The following PATL1 variants were observed in gnomAD, a reference collection of about 807,000 sequenced individuals.
PATL1 encodes protein PAT1 homolog 1.
Under a neutral mutation model 100.6 loss-of-function variants are expected in PATL1, and 32 were observed. The ratio of observed to expected loss-of-function variants is 0.32; its 90% CI spans 0.24 to 0.43. The LOEUF (loss-of-function observed/expected upper bound fraction) is 0.43, where lower values mean the gene tolerates loss of function less well. PATL1 is among the 20% of genes least tolerant of loss of function. PATL1 has a pLI of 1.00. For synonymous variants in PATL1, 332 were observed against 330.0 expected, an observed-to-expected ratio of 1.01 and a Z score of -0.07; for missense variants, 747 against 949.9, an observed-to-expected ratio of 0.79 and a Z score of 2.81.
chr11:59,643,586 A>G (rs950484488), intron 15 of PATL1, among the ~76,000 whole-genome samples: 1 of 152,034 alleles, frequency 6.6e-6, no homozygotes, highest in South Asian at 2.1e-4. Flanking sequence ...CAGCTACTCA[A>G]TAGGCTGAGG....
At chr11:59,667,348 T>C (rs969686592) in intron 1 of PATL1, among the ~76,000 whole-genome samples, 16 of 152,212 alleles carry the variant, frequency 1.1e-4, no homozygotes. Context: ...TCTTTATGTA[T>C]CTTTTCCAGC....
chr11:59,650,781 C>A lies in PATL1; in HGVS notation c.1557G>T (p.Arg519Ser). Residue 519 changes from arginine to serine, a missense_variant, in exon 13 of 19, where the codon AGG becomes AGT. Physicochemically the swap from Arg to Ser is moderately radical, Grantham distance 110 (BLOSUM62 -1). Around this residue, in one of 4 missense-constraint regions of PATL1, gnomAD observed 434 missense variants for 596.1 expected, o/e 0.73. Transcript: ENST00000300146. ...ETKEKQVRDK[R>S]RKTLVIIEKT... ...TCTCAATTATAACAAGGGTTTTTCTCCTCTTGTCTCGAACTTGTTTTTCTT... is the reference window on the plus strand; with the variant it reads ...TCTCAATTATAACAAGGGTTTTTCTACTCTTGTCTCGAACTTGTTTTTCTT... 6.4e-7 allele frequency: 1 copy of A among 1,557,718 alleles called. No individual in the cohort carries two copies. Among genetic ancestry groups the A allele is most frequent in the South Asian group, 1.2e-5 (1 of 84,114 alleles).
At chr11:59,653,916 AT>A in intron 9 of PATL1, 66 bp downstream of exon 9, 1 of 1,362,530 alleles carries the variant, frequency 7.3e-7, no homozygotes, top group Non-Finnish European at 1.0e-6. Flanking sequence ...ACTAAATAGC[AT>A]GTTGTTACAC....
At chr11:59,661,060 T>C (rs1308120650) in intron 2 of PATL1, among the ~76,000 whole-genome samples, 2 of 152,182 alleles carry the variant, frequency 1.3e-5, no homozygotes, top group East Asian at 3.8e-4. Flanking sequence ...TCATGAAAGC[T>C]GTACTCACAG....
At chr11:59,642,655 T>C (rs1210125127) in intron 16 of PATL1, 4 of 421,112 alleles carry the variant, frequency 9.5e-6, no homozygotes, top group Non-Finnish European at 1.7e-5. Context: ...GGATCCCTGA[T>C]GACTCTGTCG....
At position 59,655,533 on chromosome 11, in the gene PATL1, G is replaced by A; in HGVS notation, c.1021C>T (p.Gln341Ter). The A allele has an allele frequency of 6.4e-7, 1 of 1,573,570 alleles. No homozygotes were observed. The highest frequency in any genetic ancestry group is 8.6e-7 in the Non-Finnish European group (1 of 1,158,678). Residue 341 changes from glutamine (Q) to a stop codon, truncating the protein, a stop_gained, in exon 8 of 19, where the codon CAA becomes TAA. Transcript: ENST00000300146. LOFTEE classifies it high-confidence loss of function. ...QHPPGPGPHL[Q>*]NLRSQAPMFR... ...GTTGATTTTGTATACCTTAGGTTTT[G>A]CAGGTGGGGTCCTGGGCCAGGAGGG...
intron 16 of PATL1, 83 bp downstream of exon 16, chr11:59,642,797 A>C: frequency 3.6e-5 from 50 of 1,398,658 alleles, no homozygotes; most frequent in Non-Finnish European, 4.6e-5. Flanking sequence ...CCAAGTTGCT[A>C]GAGATACAGC....
chr11:59,657,753 G>A, intron 4 of PATL1, 29 bp from the exon 5 acceptor site: 1 of 1,494,594 alleles, frequency 6.7e-7, no homozygotes, highest in South Asian at 1.3e-5. Context: ...AAATAAAATA[G>A]AAATTAACTA....
At position 59,642,664 on chromosome 11, in the gene PATL1, C is replaced by T. The variant is rs188468243; in HGVS notation, c.2049+216G>A. ...AAGCCTGGATCCCTGATGACTCTGT[C>T]GAGCTACTAAATCAAATTTATTTCA... On this transcript the variant is annotated intron_variant, in intron 16 of 18. Transcript: ENST00000300146. 2.9e-4 allele frequency: 129 copies of T among 452,474 alleles called. 1 individual carries two copies. Among genetic ancestry groups the T allele is most frequent in the Admixed American group, 4.6e-4 (11 of 23,844 alleles). 28.0% of individuals were successfully genotyped at this position (452,474 alleles called of 1,614,324 possible). A position where few individuals can be genotyped will look rare whatever the true frequency, so the allele number is the denominator to read the frequency against.
chr11:59,660,090 A>G (rs1187148440), intron 2 of PATL1, among the ~76,000 whole-genome samples: 2 of 152,206 alleles, frequency 1.3e-5, no homozygotes, highest in Non-Finnish European at 2.9e-5. Context: ...GTATAGTACT[A>G]CTAGTTGGTT....
chr11:59,666,908 TTCTC>T lies in PATL1; in HGVS notation c.68_71del (p.Gly23GlufsTer71), dbSNP rs1435720827. ...TGAATTGATCAATCTCTTCATCTTC[TTCTC>T]CCAGTCCCTGAAATGCATCTTCATC... On this transcript the variant is annotated frameshift_variant, in exon 2 of 19. Transcript: ENST00000300146. LOFTEE classifies it high-confidence loss of function. 1 of 1,551,130 alleles carries T rather than the reference TTCTC, an allele frequency of 6.4e-7. No individual in the cohort carries two copies. Among genetic ancestry groups the T allele is most frequent in the Non-Finnish European group, 8.7e-7 (1 of 1,146,780 alleles).
In PATL1 at chr11:59,659,268, G is replaced by T; in HGVS notation, c.329C>A (p.Thr110Asn). The change falls in exon 3 of 19, where the codon ACC becomes AAC. Residue 110 changes from threonine to asparagine, a missense_variant. Thr to Asn is a moderately conservative substitution (Grantham distance 65, BLOSUM62 0). Coordinates refer to ENST00000300146, the MANE Select transcript of PATL1 (RefSeq NM_152716.3). ...EDPAIMRAVQTRPVLQPQPGS... is the reference protein window; with the variant it reads ...EDPAIMRAVQNRPVLQPQPGS... Reference sequence around the variant, plus strand: ...CTTACTTACTTGTAAAACTGGCCTGGTCTGCACTGCCCTCATAATAGCTGG... The same window carrying T: ...CTTACTTACTTGTAAAACTGGCCTGTTCTGCACTGCCCTCATAATAGCTGG... 1.9e-6 allele frequency: 3 copies of T among 1,551,340 alleles called. No homozygotes were observed. The highest frequency in any genetic ancestry group is 2.6e-6 in the Non-Finnish European group (3 of 1,146,766).
intron 2 of PATL1, among the ~76,000 whole-genome samples, chr11:59,666,587 G>A (rs1465393686): frequency 3.3e-5 from 5 of 152,012 alleles, no homozygotes; most frequent in African/African-American, 1.2e-4. Context: ...CCCTCATAGG[G>A]GCAACCTGTA....
intron 2 of PATL1, among the ~76,000 whole-genome samples, chr11:59,663,448 C>T (rs1861651813): frequency 6.6e-6 from 1 of 152,114 alleles, no homozygotes; most frequent in Non-Finnish European, 1.5e-5. Flanking sequence ...TTTCCAAAGA[C>T]TCCCCCAAAA....
chr11:59,659,441 G>A lies in PATL1; in HGVS notation c.156C>T (p.Arg52=), dbSNP rs991972344. The A allele has an allele frequency of 1.9e-6, 3 of 1,550,688 alleles. No individual in the cohort carries two copies. In the African/African-American group the frequency reaches 4.1e-5, roughly 21 times the overall value. Residue 52 remains arginine (R), a synonymous_variant, in exon 3 of 19, where the codon CGC becomes CGT. Transcript: ENST00000300146. ...VDDDWQEAHE[R]LAELEEKLPV... ...GTAGCTTTTCTTCCAATTCAGCCAG[G>A]CGCTCATGTGCTTCCTGCCAATCAT...
intron 15 of PATL1, 113 bp from the exon 16 acceptor site, chr11:59,643,148 AG>A: frequency 8.9e-7 from 1 of 1,123,506 alleles, no homozygotes; most frequent in Non-Finnish European, 1.3e-6. Context: ...TTAAGGCACA[AG>A]TCTGGCAGAT....
intron 16 of PATL1, chr11:59,642,555 C>G (rs1047834195): frequency 1.1e-5 from 2 of 187,604 alleles, no homozygotes; most frequent in African/African-American, 4.7e-5. Flanking sequence ...AAAGCTGAAT[C>G]ATGAATTCCA....
chr11:59,652,011 G>A (rs1261999213), intron 11 of PATL1, among the ~76,000 whole-genome samples: 2 of 134,134 alleles, frequency 1.5e-5, no homozygotes, highest in Non-Finnish European at 3.1e-5. Context: ...GTTGCAGCGA[G>A]CTGAGATGGC....
At chr11:59,668,299 G>GCGT (rs1164457336) in intron 1 of PATL1, among the ~76,000 whole-genome samples, 1 of 152,100 alleles carries the variant, frequency 6.6e-6, no homozygotes, top group Non-Finnish European at 1.5e-5. Flanking sequence ...CTCCAAACCC[G>GCGT]CGTCTCCCAG....
Sources: gnomAD v4.1 joint callset for allele counts (sites outside exome capture counted in the v4.1 genomes callset) on GRCh38, gnomAD v4.1.1 for gene constraint, gnomAD v4.1.1 regional missense constraint, MANE v1.5 for transcripts, NCBI Gene and HGNC (gene_info 2026-07-23, HGNC 2026-07-21) for gene names.